The following PLEK2 variants were observed in gnomAD, a reference collection of about 807,000 sequenced individuals.
PLEK2 encodes the protein pleckstrin-2.
Under a neutral mutation model 43.8 loss-of-function variants are expected in PLEK2, and 29 were observed. The ratio of observed to expected loss-of-function variants is 0.66; its 90% CI spans 0.49 to 0.90. The LOEUF (loss-of-function observed/expected upper bound fraction) is 0.90. Ranked by LOEUF, PLEK2 falls within the 40% of genes least tolerant of loss-of-function variation. The pLI, the probability that PLEK2 is intolerant of heterozygous loss-of-function variation, is 0.00. For synonymous variants in PLEK2, 162 were observed against 173.2 expected (o/e 0.94, Z 0.51); for missense variants, 398 against 448.1 (o/e 0.89, Z 1.01).
intron 7 of PLEK2, 152 bp from the exon 8 acceptor site, chr14:67,388,454 G>A (rs1171534532): frequency 6.3e-6 from 4 of 634,554 alleles, no homozygotes; most frequent in South Asian, 1.8e-5. Flanking sequence ...GGCCAAAGCT[G>A]CATGCATCAG....
intron 2 of PLEK2, among the ~76,000 whole-genome samples, chr14:67,396,795 G>A (rs1365744599): frequency 6.6e-6 from 1 of 152,238 alleles, no homozygotes; most frequent in Non-Finnish European, 1.5e-5. Flanking sequence ...TCATTGGAAT[G>A]CCAAATATTT....
At chr14:67,395,669 T>A in intron 2 of PLEK2, 86 bp from the exon 3 acceptor site, 1 of 1,097,544 alleles carries the variant, frequency 9.1e-7, no homozygotes, top group Non-Finnish European at 1.4e-6. Context: ...CCCGGGAGAA[T>A]CTAGGTGACA....
chr14:67,412,117 T>C lies in PLEK2; in HGVS notation c.-58A>G, dbSNP rs1013596985. 22 of 1,431,778 alleles carry C rather than the reference T, an allele frequency of 1.5e-5. No individual in the cohort carries two copies. The Admixed American group carries it at 3.0e-4, about 20-fold the overall frequency. The allele number at this position is 1,431,778 out of a possible 1,614,324, so 88.7% of individuals were successfully genotyped here. On this transcript the variant is annotated 5_prime_UTR_variant, in exon 1 of 9. Coordinates refer to ENST00000216446, the MANE Select transcript of PLEK2 (RefSeq NM_016445.3). ...GCGCCTTCCCCGCGCCTCGCGCTCC[T>C]CGGCACCCGCGCAGCCCGCGCAGTC...
At chr14:67,402,117 G>A (rs547269827) in intron 1 of PLEK2, among the ~76,000 whole-genome samples, 1 of 152,304 alleles carries the variant, frequency 6.6e-6, no homozygotes, top group African/African-American at 2.4e-5. Context: ...CTGGGTGACA[G>A]AGGAAGAGTC....
chr14:67,389,972 C>T (rs914107502), intron 7 of PLEK2, among the ~76,000 whole-genome samples: 1 of 152,004 alleles, frequency 6.6e-6, no homozygotes, highest in African/African-American at 2.4e-5. Flanking sequence ...TGGGTCCAGG[C>T]AGGGGTTCCT....
rs769591341 is a variant in PLEK2 at position 67,390,653 on chromosome 14, G to A, written c.855+10C>T. The A allele has an allele frequency of 4.8e-5, 76 of 1,587,580 alleles. No homozygotes were observed. The highest frequency in any genetic ancestry group is 6.3e-5 in the Non-Finnish European group (73 of 1,155,788). On this transcript the variant is annotated intron_variant, in intron 7 of 8. Transcript: ENST00000216446. ...CATGGGACCAACATGGAGCCAGCAT[G>A]CGCACTCACTTTGGAAGGGTCATAG...
chr14:67,401,842 A>G (rs913574249), intron 1 of PLEK2, among the ~76,000 whole-genome samples: 2 of 152,072 alleles, frequency 1.3e-5, no homozygotes, highest in Non-Finnish European at 2.9e-5. Context: ...ATACAAATAC[A>G]GGCCGGCGCG....
At chr14:67,402,875 C>T (rs978515577) in intron 1 of PLEK2, among the ~76,000 whole-genome samples, 1 of 152,186 alleles carries the variant, frequency 6.6e-6, no homozygotes, top group Non-Finnish European at 1.5e-5. Context: ...AGTGCTGCAA[C>T]AGACATGGGT....
At chr14:67,398,392 T>C (rs888904523) in intron 1 of PLEK2, among the ~76,000 whole-genome samples, 4 of 151,706 alleles carry the variant, frequency 2.6e-5, no homozygotes, top group Non-Finnish European at 4.4e-5. Flanking sequence ...ATCCACTGAT[T>C]TTTCTAGAAA....
At chr14:67,403,965 A>G (rs896542277) in intron 1 of PLEK2, among the ~76,000 whole-genome samples, 6 of 152,268 alleles carry the variant, frequency 3.9e-5, no homozygotes, top group African/African-American at 1.4e-4. Context: ...AGGTGGAAGG[A>G]CCACGTGAGC....
At chr14:67,399,513 G>A (rs72476727) in intron 1 of PLEK2, among the ~76,000 whole-genome samples, 16,788 of 137,534 alleles carry the variant, frequency 0.12, 2,257 homozygotes, top group East Asian at 0.42. Context: ...GAGAAGGGTC[G>A]TTTAGGTGGT....
At chr14:67,392,476 C>T (rs753723204) in intron 5 of PLEK2, 49 bp from the exon 6 acceptor site, 9 of 1,428,596 alleles carry the variant, frequency 6.3e-6, no homozygotes, top group Middle Eastern at 1.8e-4. Context: ...AGACCCAGGC[C>T]CAGGCTATGG....
intron 1 of PLEK2, among the ~76,000 whole-genome samples, chr14:67,399,730 C>G (rs11846580): frequency 2.0e-5 from 3 of 149,950 alleles, no homozygotes; most frequent in African/African-American, 7.4e-5. Context: ...TTAGGTGGGT[C>G]TCAGGTGGCA....
rs1759451037 is a variant in PLEK2, at chr14:67,392,779, GGCCAGGGTCA to G, written c.542_551del (p.Val181AlafsTer48). 4 of 1,614,066 alleles carry G rather than the reference GGCCAGGGTCA, an allele frequency of 2.5e-6. No individual in the cohort carries two copies. The highest frequency in any genetic ancestry group is 3.4e-6 in the Non-Finnish European group (4 of 1,179,914). On this transcript the variant is annotated frameshift_variant, in exon 5 of 9. Transcript: ENST00000216446. LOFTEE classifies it high-confidence loss of function. ...GGAAGTTCTCCTCCATGAGCATGGA[GGCCAGGGTCA>G]CCGCCTCCAGACGGCTGGCCGTGAA...
In PLEK2 at chr14:67,393,147, C is replaced by G. The variant is rs747346228; in HGVS notation, c.481+3G>C. ...CCAGCCCGGCCCTGGGGGACAGGCT[C>G]ACCGAGGAAGGTCTTTTTATAGGTG... is the stretch of plus-strand genomic sequence containing the variant. On this transcript the variant is annotated splice_donor_region_variant and intron_variant, in intron 4 of 8. Transcript: ENST00000216446. 6.2e-6 allele frequency: 10 copies of G among 1,606,886 alleles called. No homozygotes were observed. The highest frequency in any genetic ancestry group is 1.7e-5 in the Admixed American group (1 of 60,000).
At chr14:67,409,664 G>A (rs1038285764) in intron 1 of PLEK2, among the ~76,000 whole-genome samples, 2 of 151,932 alleles carry the variant, frequency 1.3e-5, no homozygotes, top group Admixed American at 1.3e-4. Flanking sequence ...CTTCTTTCTC[G>A]TCTGGGTGGG....
chr14:67,399,688 T>C (rs1201604568), intron 1 of PLEK2, among the ~76,000 whole-genome samples: 1 of 140,404 alleles, frequency 7.1e-6, no homozygotes, highest in Non-Finnish European at 1.5e-5. Flanking sequence ...TTTAGGTGGG[T>C]CTCAGGTGGC....
intron 1 of PLEK2, chr14:67,398,098 A>G: frequency 3.2e-6 from 1 of 314,022 alleles, no homozygotes; most frequent in Non-Finnish European, 5.8e-6. Context: ...CTGTAATCCT[A>G]CTGCTAGGAG....
chr14:67,405,353 C>T, intron 1 of PLEK2, among the ~76,000 whole-genome samples: 1 of 149,720 alleles, frequency 6.7e-6, no homozygotes, highest in Non-Finnish European at 1.5e-5. Context: ...AATTTAAATA[C>T]ACAAAAATCC....
Sources: gnomAD v4.1 joint callset for allele counts (sites outside exome capture counted in the v4.1 genomes callset) on GRCh38, gnomAD v4.1.1 for gene constraint, MANE v1.5 for transcripts, NCBI Gene and HGNC (gene_info 2026-07-23, HGNC 2026-07-21) for gene names.